GOLM2: variants seen among roughly 807,000 people sequenced by gnomAD.
GOLM2 encodes the protein protein GOLM2.
GOLM2 carries 26 observed loss-of-function variants against 55.9 expected under a neutral mutation model. That is an observed-to-expected ratio of 0.47 (90% CI 0.34 to 0.65). The LOEUF is 0.65. Ranked by LOEUF, GOLM2 falls within the 30% of genes least tolerant of loss-of-function variation. GOLM2 has a pLI of 0.01. For synonymous variants in GOLM2, 165 were observed against 194.6 expected, an observed-to-expected ratio of 0.85 and a Z score of 1.27; for missense variants, 486 against 531.8, an observed-to-expected ratio of 0.91 and a Z score of 0.85.
intron 6 of GOLM2, among the ~76,000 whole-genome samples, chr15:44,343,269 G>T (rs2079100655): frequency 6.6e-6 from 1 of 150,682 alleles, no homozygotes; most frequent in African/African-American, 2.4e-5. Context: ...GAAGGCAGAG[G>T]TTGCAGTGAG....
intron 6 of GOLM2, among the ~76,000 whole-genome samples, chr15:44,367,867 G>A (rs1186071996): frequency 6.7e-6 from 1 of 149,178 alleles, no homozygotes; most frequent in African/African-American, 2.5e-5. Flanking sequence ...TTCTTTTGTT[G>A]TTCTCTTTTA....
chr15:44,326,969 T>C (rs1422203482), intron 2 of GOLM2, among the ~76,000 whole-genome samples: 6 of 150,296 alleles, frequency 4.0e-5, no homozygotes, highest in Non-Finnish European at 5.9e-5. Context: ...GCTTTTTTTT[T>C]TTTTTGTCTC....
chr15:44,373,192 T>C (rs962884670), intron 6 of GOLM2, among the ~76,000 whole-genome samples: 4 of 152,196 alleles, frequency 2.6e-5, no homozygotes, highest in Non-Finnish European at 5.9e-5. Context: ...GCACGGTGGC[T>C]CACGCCTGTA....
At chr15:44,337,278 T>A (rs932312353) in intron 4 of GOLM2, among the ~76,000 whole-genome samples, 3 of 152,068 alleles carry the variant, frequency 2.0e-5, no homozygotes, top group Admixed American at 6.6e-5. Context: ...ACTTGCTGTG[T>A]TTCGGTGGCC....
rs1484794749 is a variant in GOLM2 at position 44,338,090 on chromosome 15, G to C, written c.722-147G>C. 3 of 945,488 alleles carry C rather than the reference G, an allele frequency of 3.2e-6. No individual in the cohort carries two copies. The African/African-American group carries it at 5.0e-5, about 16-fold the overall frequency. The allele number at this position is 945,488 out of a possible 1,614,324, so 58.6% of individuals were successfully genotyped here. Reference sequence around the variant, plus strand: ...AGAGAAAAAAGAGTAAGTTATTTTAGAGTTACAGCTATGTCCAAAGCAAGA... The same window carrying C: ...AGAGAAAAAAGAGTAAGTTATTTTACAGTTACAGCTATGTCCAAAGCAAGA... On this transcript the variant is annotated intron_variant, in intron 5 of 9. Coordinates refer to ENST00000299957, the MANE Select transcript of GOLM2 (RefSeq NM_138423.4).
At chr15:44,338,207 T>C (rs752506889) in intron 5 of GOLM2, 30 bp from the exon 6 acceptor site, 55 of 1,588,700 alleles carry the variant, frequency 3.5e-5, no homozygotes, top group Non-Finnish European at 4.6e-5. Flanking sequence ...AGAAAAACGA[T>C]AGAATTCTAT....
intron 8 of GOLM2, among the ~76,000 whole-genome samples, chr15:44,388,273 C>CA (rs35283840): frequency 0.051 from 3,495 of 68,412 alleles, 72 homozygotes; most frequent in Non-Finnish European, 0.066. Context: ...GACCCTGTCT[C>CA]AAAAAAAAAA....
intron 8 of GOLM2, among the ~76,000 whole-genome samples, chr15:44,388,273 C>CAAAA (rs35283840): frequency 0.028 from 1,945 of 68,520 alleles, 62 homozygotes; most frequent in East Asian, 0.11. Flanking sequence ...GACCCTGTCT[C>CAAAA]AAAAAAAAAA....
At chr15:44,313,958 C>G (rs2141122689) in intron 1 of GOLM2, among the ~76,000 whole-genome samples, 1 of 152,178 alleles carries the variant, frequency 6.6e-6, no homozygotes, top group African/African-American at 2.4e-5. Context: ...TAACTGGGGG[C>G]CAGGCGCAGT....
intron 1 of GOLM2, among the ~76,000 whole-genome samples, chr15:44,297,163 A>G (rs1415062457): frequency 1.3e-5 from 2 of 152,214 alleles, no homozygotes. Context: ...ACTTGATCGA[A>G]TTAAAAAAAA....
At chr15:44,293,780 T>TA (rs1443244632) in intron 1 of GOLM2, among the ~76,000 whole-genome samples, 1 of 152,098 alleles carries the variant, frequency 6.6e-6, no homozygotes, top group Admixed American at 6.5e-5. Flanking sequence ...AATGTACTCT[T>TA]AAAAAAAATC....
rs779485703 is a variant in GOLM2 at position 44,337,877 on chromosome 15, C to T, written c.691C>T (p.Pro231Ser). ...GAATGTTGCAGATAAGAATGAAGAA[C>T]CCTCAAGCAATCATATTCCACATGG... Reference protein sequence around the residue: ...AENVADKNEEPSSNHIPHGKE... With the variant: ...AENVADKNEESSSNHIPHGKE... Residue 231 changes from proline (P) to serine (S), a missense_variant, in exon 5 of 10, where the codon CCC (proline) becomes TCC (serine). Physicochemically the swap from Pro to Ser is moderately conservative, Grantham distance 74 (BLOSUM62 -1). Coordinates refer to ENST00000299957, the MANE Select transcript of GOLM2 (RefSeq NM_138423.4). The T allele has an allele frequency of 1.3e-6, 2 of 1,599,240 alleles. No homozygotes were observed. The highest frequency in any genetic ancestry group is 2.3e-5 in the East Asian group (1 of 44,196).
At chr15:44,325,590 A>G (rs1442952821) in intron 2 of GOLM2, among the ~76,000 whole-genome samples, 2 of 152,232 alleles carry the variant, frequency 1.3e-5, no homozygotes, top group Non-Finnish European at 2.9e-5. Flanking sequence ...AGTCCGAAAG[A>G]TCACCAATTG....
chr15:44,372,039 T>A (rs2079332364), intron 6 of GOLM2, among the ~76,000 whole-genome samples: 1 of 152,150 alleles, frequency 6.6e-6, no homozygotes, highest in East Asian at 1.9e-4. Flanking sequence ...GGGTTGAGGC[T>A]TAGAAAAATT....
At chr15:44,410,732 CA>C (rs35065961) in intron 9 of GOLM2, among the ~76,000 whole-genome samples, 1,170 of 96,046 alleles carry the variant, frequency 0.012, 9 homozygotes, top group African/African-American at 0.036. Flanking sequence ...CCTGTCTCTA[CA>C]AAAAAAAAAA....
rs375996361 is a variant in GOLM2, at chr15:44,336,940, AT to A, written c.577-822del. Among the ~76,000 whole-genome samples, 71 of 152,198 alleles carry A rather than the reference AT, an allele frequency of 4.7e-4. 1 individual carries two copies. Among genetic ancestry groups the A allele is most frequent in the African/African-American group, 1.3e-3 (54 of 41,554 alleles). On this transcript the variant is annotated intron_variant, in intron 4 of 9. Coordinates refer to ENST00000299957, the MANE Select transcript of GOLM2 (RefSeq NM_138423.4). ...CAGAAATAAATAATAATAAAAAAAAATATTTGGCTCTTGTTTTTCTAGATTC... is the reference window on the plus strand; with the variant it reads ...CAGAAATAAATAATAATAAAAAAAAAATTTGGCTCTTGTTTTTCTAGATTC...
At chr15:44,370,836 T>A (rs1449045226) in intron 6 of GOLM2, among the ~76,000 whole-genome samples, 1 of 152,144 alleles carries the variant, frequency 6.6e-6, no homozygotes, top group South Asian at 2.1e-4. Context: ...ATTTTTTTAA[T>A]TTTTAGTAGA....
At chr15:44,372,664 A>G (rs2079336154) in intron 6 of GOLM2, among the ~76,000 whole-genome samples, 1 of 152,156 alleles carries the variant, frequency 6.6e-6, no homozygotes, top group African/African-American at 2.4e-5. Context: ...TAAGGGTGAC[A>G]TGAGACTAGT....
In GOLM2 at chr15:44,289,020, A is replaced by T. The variant is rs1464947700; in HGVS notation, c.-10A>T. The T allele has an allele frequency of 6.2e-7, 1 of 1,610,514 alleles. No individual in the cohort carries two copies. The highest frequency in any genetic ancestry group is 1.7e-5 in the Admixed American group (1 of 59,808). ...GGCGAGGCCCCTAGGGTACAGCCCG[A>T]TTTGGCCCCATGGTGGGTTTCGGGG... On this transcript the variant is annotated 5_prime_UTR_variant, in exon 1 of 10. Transcript: ENST00000299957. The surrounding 1 kb of genome is among the most constrained non-coding windows in gnomAD (Gnocchi z 4.8).
Sources: gnomAD v4.1 joint callset for allele counts (sites outside exome capture counted in the v4.1 genomes callset) on GRCh38, gnomAD v4.1.1 for gene constraint, Gnocchi (gnomAD v3.1) non-coding constraint, MANE v1.5 for transcripts, NCBI Gene and HGNC (gene_info 2026-07-23, HGNC 2026-07-21) for gene names.